Variants in ADAMTS2 observed in about 807,000 individuals in gnomAD.
ADAMTS2 encodes the protein A disintegrin and metalloproteinase with thrombospondin motifs 2.
ADAMTS2 carries 50 observed loss-of-function variants against 123.0 expected under a neutral mutation model. The observed-to-expected ratio is 0.41, with a 90% CI of 0.32 to 0.51. ADAMTS2 has a LOEUF of 0.51. ADAMTS2 is among the 20% of genes least tolerant of loss of function. ADAMTS2 has a pLI of 0.35. For synonymous variants in ADAMTS2, 678 were observed against 695.4 expected (o/e 0.98, Z 0.39); for missense variants, 1,494 against 1,705.2 (o/e 0.88, Z 2.18).
intron 3 of ADAMTS2, among the ~76,000 whole-genome samples, chr5:179,219,137 T>C (rs569341332): frequency 6.6e-6 from 1 of 152,296 alleles, no homozygotes; most frequent in Admixed American, 6.5e-5. Context: ...TGTGTGTTGG[T>C]GTGCACAGGA....
intron 2 of ADAMTS2, among the ~76,000 whole-genome samples, chr5:179,313,052 T>C (rs1756875208): frequency 6.6e-6 from 1 of 152,146 alleles, no homozygotes; most frequent in East Asian, 1.9e-4. Context: ...AGGAAGTCAA[T>C]GGACAACATC....
intron 4 of ADAMTS2, among the ~76,000 whole-genome samples, chr5:179,182,995 C>T (rs982211203): frequency 1.7e-4 from 26 of 152,212 alleles, no homozygotes; most frequent in Admixed American, 1.0e-3. Flanking sequence ...TTGCAGTCCC[C>T]CCATCACAAA....
intron 6 of ADAMTS2, among the ~76,000 whole-genome samples, chr5:179,157,885 G>A (rs545360131): frequency 1.1e-4 from 16 of 152,094 alleles, no homozygotes; most frequent in Admixed American, 3.9e-4. Flanking sequence ...GTGGATTAGC[G>A]TGCCTTTAAT....
intron 20 of ADAMTS2, chr5:179,122,004 T>G (rs1762772672): frequency 2.8e-6 from 1 of 359,690 alleles, no homozygotes; most frequent in African/African-American, 2.1e-5. Flanking sequence ...TGCCGCCTCC[T>G]TTTCTGGGCC....
At chr5:179,179,223 A>C (rs1763995032) in intron 5 of ADAMTS2, among the ~76,000 whole-genome samples, 2 of 149,988 alleles carry the variant, frequency 1.3e-5, no homozygotes, top group Admixed American at 1.3e-4. Context: ...CTAGGATTAC[A>C]GGTGTGAGCG....
intron 5 of ADAMTS2, among the ~76,000 whole-genome samples, chr5:179,164,401 C>T (rs1198515178): frequency 6.6e-6 from 1 of 152,194 alleles, no homozygotes; most frequent in African/African-American, 2.4e-5. Context: ...CACTGAGATG[C>T]ATGCAGGTGT....
intron 2 of ADAMTS2, among the ~76,000 whole-genome samples, chr5:179,326,855 T>A (rs534988761): frequency 6.6e-6 from 1 of 151,366 alleles, no homozygotes; most frequent in Admixed American, 6.6e-5. Flanking sequence ...AAAACTGAAG[T>A]CATGGGAAGG....
chr5:179,237,923 C>T lies in ADAMTS2; in HGVS notation c.689-30208G>A, dbSNP rs534854688. Among the ~76,000 whole-genome samples the T allele has an allele frequency of 8.7e-4, 132 of 152,316 alleles. No individual in the cohort carries two copies. In the Middle Eastern group the frequency reaches 0.017, roughly 20 times the overall value. ...AGGCAGCCATCGCTCCCGACACGCA[C>T]GCCGCAGTGTAGCTGTGGCTCCTGA... On this transcript the variant is annotated intron_variant, in intron 3 of 21. Coordinates refer to ENST00000251582, the MANE Select transcript of ADAMTS2 (RefSeq NM_014244.5).
rs140991006 is a variant in ADAMTS2, at chr5:179,280,583, T to C, written c.535-7519A>G. On this transcript the variant is annotated intron_variant, in intron 2 of 21. Coordinates refer to ENST00000251582, the MANE Select transcript of ADAMTS2 (RefSeq NM_014244.5). The stretch of plus-strand genomic sequence containing the variant: ...AAACCAGAAACCCACTCCTGTAAAA[T>C]AAAGGCCAAGGCCGTCCCATGGCAC... 1.4e-3 allele frequency among the ~76,000 whole-genome samples: 210 copies of C among 152,200 alleles called. 1 individual carries two copies. The highest frequency in any genetic ancestry group is 4.8e-3 in the African/African-American group (198 of 41,518).
chr5:179,174,397 A>G (rs1763889432), intron 5 of ADAMTS2, among the ~76,000 whole-genome samples: 1 of 152,146 alleles, frequency 6.6e-6, no homozygotes, highest in Admixed American at 6.5e-5. Flanking sequence ...TTGGTATTAT[A>G]CTTATCCAAA....
chr5:179,320,947 G>A (rs1757152045), intron 2 of ADAMTS2, among the ~76,000 whole-genome samples: 1 of 152,174 alleles, frequency 6.6e-6, no homozygotes, highest in Admixed American at 6.5e-5. Context: ...ACAGAGGAGA[G>A]CAAAGCCAAG....
chr5:179,126,260 G>A (rs1762856367), intron 17 of ADAMTS2, 130 bp from the exon 18 acceptor site: 1 of 1,348,942 alleles, frequency 7.4e-7, no homozygotes, highest in African/African-American at 1.4e-5. Context: ...ATAAGGGTGG[G>A]CAGGGCACCG....
intron 17 of ADAMTS2, 79 bp from the exon 18 acceptor site, chr5:179,126,209 G>A: frequency 6.3e-7 from 1 of 1,577,446 alleles, no homozygotes; most frequent in Admixed American, 1.7e-5. Flanking sequence ...GGCTGCACCA[G>A]CAGTGCTGGC....
At chr5:179,168,713 G>C (rs1463668098) in intron 5 of ADAMTS2, among the ~76,000 whole-genome samples, 2 of 152,184 alleles carry the variant, frequency 1.3e-5, no homozygotes, top group African/African-American at 2.4e-5. Flanking sequence ...GACAAAGCCA[G>C]AATGAATGGC....
At position 179,200,326 on chromosome 5, in the gene ADAMTS2, G is replaced by A. The variant is rs146478157; in HGVS notation, c.891+7187C>T. 6.4e-3 allele frequency among the ~76,000 whole-genome samples: 837 copies of A among 130,040 alleles called. 6 individuals are homozygous for A. The highest frequency in any genetic ancestry group is 0.023 in the African/African-American group (775 of 33,932). The allele number at this position is 130,040 out of a possible 152,430, so 85.3% of individuals were successfully genotyped here. Reference sequence around the variant, plus strand: ...TGCAGTGGCGTCACCTCAGCTCACCGCAACCTCCGCCTCCCAGGTTCAAGC... The same window carrying A: ...TGCAGTGGCGTCACCTCAGCTCACCACAACCTCCGCCTCCCAGGTTCAAGC... On this transcript the variant is annotated intron_variant, in intron 4 of 21. Coordinates refer to ENST00000251582, the MANE Select transcript of ADAMTS2 (RefSeq NM_014244.5).
chr5:179,321,063 C>T (rs1297792616), intron 2 of ADAMTS2, among the ~76,000 whole-genome samples: 1 of 152,144 alleles, frequency 6.6e-6, no homozygotes, highest in Non-Finnish European at 1.5e-5. Context: ...TGCAGATTAA[C>T]CAATAAGTTT....
chr5:179,302,851 C>T (rs542121355), intron 2 of ADAMTS2, among the ~76,000 whole-genome samples: 4 of 150,662 alleles, frequency 2.7e-5, no homozygotes, highest in South Asian at 2.1e-4. Context: ...GCAGAGGACC[C>T]GAGGTCAGAA....
intron 10 of ADAMTS2, among the ~76,000 whole-genome samples, chr5:179,141,085 G>T (rs1763159762): frequency 6.6e-6 from 1 of 151,882 alleles, no homozygotes. Flanking sequence ...AAAGTGCTAG[G>T]ATTACAGGCG....
chr5:179,116,260 A>ACCCCCCCCCCCCCCCC (rs146306326), intron 21 of ADAMTS2, among the ~76,000 whole-genome samples: 185 of 93,810 alleles, frequency 2.0e-3, no homozygotes, highest in African/African-American at 2.7e-3. Context: ...TGACCACGGC[A>ACCCCCCCCCCCCCCCC]CCCCCCCCCC....
Sources: allele counts gnomAD v4.1 joint callset (sites outside exome capture counted in the v4.1 genomes callset), GRCh38; gene constraint gnomAD v4.1.1; transcripts MANE v1.5; gene names NCBI Gene and HGNC (gene_info 2026-07-23, HGNC 2026-07-21).